GLIS1: variants seen among roughly 807,000 people sequenced by gnomAD.
GLIS1 encodes the protein GLIS family zinc finger 1, also known as zinc finger protein GLIS1.
Under a neutral mutation model 63.8 loss-of-function variants are expected in GLIS1, and 24 were observed. The observed-to-expected ratio is 0.38, with a 90% CI of 0.27 to 0.53. GLIS1 has a LOEUF of 0.53. GLIS1 is among the 20% of genes least tolerant of loss of function. GLIS1 has a pLI of 0.85. For synonymous variants in GLIS1, 450 were observed against 482.5 expected, an observed-to-expected ratio of 0.93 and a Z score of 0.88; for missense variants, 1,036 against 1,074.1, an observed-to-expected ratio of 0.96 and a Z score of 0.50.
At chr1:53,723,321 T>C (rs6658137) in intron 2 of GLIS1, among the ~76,000 whole-genome samples, 38,963 of 150,252 alleles carry the variant, frequency 0.26, 5,294 homozygotes, top group African/African-American at 0.35. Flanking sequence ...CTGCAACCTC[T>C]ACCTCCCATG....
intron 7 of GLIS1, among the ~76,000 whole-genome samples, chr1:53,515,341 G>A (rs890555420): frequency 1.3e-5 from 2 of 152,038 alleles, no homozygotes; most frequent in Non-Finnish European, 1.5e-5. Flanking sequence ...ACCTCCCCCA[G>A]AGATATGCAA....
intron 2 of GLIS1, among the ~76,000 whole-genome samples, chr1:53,697,515 G>A (rs1646478120): frequency 6.6e-6 from 1 of 152,158 alleles, no homozygotes. Context: ...CCCAGGCTGT[G>A]AACATTCCTG....
chr1:53,667,029 C>A (rs1431374541), intron 2 of GLIS1, among the ~76,000 whole-genome samples: 1 of 152,224 alleles, frequency 6.6e-6, no homozygotes, highest in Non-Finnish European at 1.5e-5. Context: ...ACAAGGGAAC[C>A]TCCTTCTCCT....
At chr1:53,672,734 A>G (rs994550659) in intron 2 of GLIS1, among the ~76,000 whole-genome samples, 1 of 152,218 alleles carries the variant, frequency 6.6e-6, no homozygotes, top group African/African-American at 2.4e-5. Context: ...TGTGCCCTGC[A>G]AGACTTTCCA....
chr1:53,509,245 TA>T lies in GLIS1; in HGVS notation c.2104del (p.Tyr702MetfsTer123). ...TTCAGCCATCCGGTAGCAGTCGCCATAGGGGAAGCAACTCTGGATGGAGTGG... is the reference window on the plus strand; with the variant it reads ...TTCAGCCATCCGGTAGCAGTCGCCATGGGGAAGCAACTCTGGATGGAGTGG... Reference protein sequence around the residue: ...SFHSIQSCFPYGDCYRMAEPA... With the variant: ...SFHSIQSCFPXGDCYRMAEPA... On this transcript the variant is annotated frameshift_variant, in exon 10 of 11. Coordinates refer to ENST00000628545, the MANE Select transcript of GLIS1 (RefSeq NM_001367484.1). LOFTEE classifies it high-confidence loss of function. 1 of 1,595,412 alleles carries T rather than the reference TA, an allele frequency of 6.3e-7. No individual in the cohort carries two copies. The highest frequency in any genetic ancestry group is 8.5e-7 in the Non-Finnish European group (1 of 1,171,128).
chr1:53,589,861 C>G (rs1338613103), intron 4 of GLIS1, among the ~76,000 whole-genome samples: 2 of 152,242 alleles, frequency 1.3e-5, no homozygotes, highest in African/African-American at 4.8e-5. Flanking sequence ...CTGCAAATGA[C>G]TGTCAATGAA....
At chr1:53,544,199 G>A (rs917271566) in intron 4 of GLIS1, among the ~76,000 whole-genome samples, 8 of 152,186 alleles carry the variant, frequency 5.3e-5, no homozygotes, top group Non-Finnish European at 8.8e-5. Context: ...TGAACCGCTC[G>A]GCTATGACCT....
intron 10 of GLIS1, among the ~76,000 whole-genome samples, chr1:53,508,823 G>C (rs923222637): frequency 8.5e-5 from 13 of 152,234 alleles, no homozygotes; most frequent in African/African-American, 3.1e-4. Flanking sequence ...AATAAATAAA[G>C]TGAAGCAGTA....
chr1:53,709,367 T>TATATACATATATATACATATAC (rs1553140145), intron 2 of GLIS1, among the ~76,000 whole-genome samples: 1 of 5,866 alleles, frequency 1.7e-4, no homozygotes, highest in African/African-American at 2.2e-4. Flanking sequence ...TACATATACA[T>TATATACATATATATACATATAC]ATATATATAC....
intron 4 of GLIS1, among the ~76,000 whole-genome samples, chr1:53,540,328 G>A (rs1042070585): frequency 2.0e-5 from 3 of 152,180 alleles, no homozygotes; most frequent in African/African-American, 7.2e-5. Context: ...TCAGGAGGAA[G>A]AAGAGGGCCA....
At chr1:53,521,998 C>A (rs530951570) in intron 6 of GLIS1, among the ~76,000 whole-genome samples, 1 of 152,372 alleles carries the variant, frequency 6.6e-6, no homozygotes, top group Middle Eastern at 3.4e-3. Flanking sequence ...GAGGGCTTTT[C>A]TGCCCTCCTA....
intron 2 of GLIS1, among the ~76,000 whole-genome samples, chr1:53,625,696 T>A (rs138857686): frequency 5.3e-5 from 8 of 152,334 alleles, no homozygotes; most frequent in Non-Finnish European, 1.0e-4. Flanking sequence ...AAGGAAAATC[T>A]TAATCCTCAC....
intron 2 of GLIS1, among the ~76,000 whole-genome samples, chr1:53,672,033 C>A (rs1203286608): frequency 6.6e-6 from 1 of 152,224 alleles, no homozygotes; most frequent in East Asian, 1.9e-4. Flanking sequence ...GGATACACAG[C>A]AGGCCCTGGC....
intron 2 of GLIS1, among the ~76,000 whole-genome samples, chr1:53,703,984 A>C (rs1263710044): frequency 6.6e-6 from 1 of 152,346 alleles, no homozygotes; most frequent in East Asian, 1.9e-4. Flanking sequence ...CACACATTTA[A>C]GCCTCTTAGA....
intron 2 of GLIS1, among the ~76,000 whole-genome samples, chr1:53,718,738 C>T (rs1310043675): frequency 6.6e-6 from 1 of 152,168 alleles, no homozygotes; most frequent in African/African-American, 2.4e-5. Flanking sequence ...CTGGAAGTTC[C>T]CTTAACTCTG....
intron 5 of GLIS1, 60 bp downstream of exon 5, chr1:53,529,731 T>C: frequency 6.5e-7 from 1 of 1,543,180 alleles, no homozygotes; most frequent in Non-Finnish European, 8.8e-7. Context: ...CTGCACTGAA[T>C]GAGTGGCAGG....
chr1:53,506,949 G>A (rs556271462), intron 10 of GLIS1, among the ~76,000 whole-genome samples, 173 bp from the exon 11 acceptor site: 2 of 152,278 alleles, frequency 1.3e-5, no homozygotes, highest in South Asian at 2.1e-4. Context: ...GGCCGCTGGG[G>A]TGGGGCGAGG....
At chr1:53,552,277 G>C (rs1415347263) in intron 4 of GLIS1, among the ~76,000 whole-genome samples, 2 of 152,074 alleles carry the variant, frequency 1.3e-5, no homozygotes, top group African/African-American at 2.4e-5. Context: ...GTCCCGGTAG[G>C]AGGGGGACCA....
chr1:53,547,444 G>A (rs768825042), intron 4 of GLIS1, among the ~76,000 whole-genome samples: 78 of 152,242 alleles, frequency 5.1e-4, no homozygotes, highest in Non-Finnish European at 9.8e-4. Context: ...TCGTCAGCAC[G>A]GAACCTGCCT....
Sources: allele counts gnomAD v4.1 joint callset (sites outside exome capture counted in the v4.1 genomes callset), GRCh38; gene constraint gnomAD v4.1.1; transcripts MANE v1.5; gene names NCBI Gene and HGNC (gene_info 2026-07-23, HGNC 2026-07-21).